The following INPP5A variants were observed in gnomAD, a reference collection of about 807,000 sequenced individuals.
INPP5A encodes inositol polyphosphate-5-phosphatase A, also known as 43 kDa inositol polyphosphate 5-phophatase.
Under a neutral mutation model 65.2 loss-of-function variants are expected in INPP5A, and 14 were observed. The observed-to-expected ratio is 0.21, with a 90% confidence interval of 0.14 to 0.34. The LOEUF is 0.34. Ranked by LOEUF, INPP5A falls within the 10% of genes least tolerant of loss-of-function variation. INPP5A has a pLI of 1.00. For missense variants in INPP5A, 431 were observed against 545.6 expected (o/e 0.79, Z 2.09); for synonymous variants, 207 against 208.3 (o/e 0.99, Z 0.05).
rs2072197372 is a variant in INPP5A at position 132,627,259 on chromosome 10, T to A, written c.118-18609T>A. On this transcript the variant is annotated intron_variant, in intron 2 of 15. Coordinates refer to ENST00000368594, the MANE Select transcript of INPP5A (RefSeq NM_005539.5). The surrounding 1 kb of genome is among the most constrained non-coding windows in gnomAD (Gnocchi z 6.6). Reference sequence around the variant, plus strand: ...GTCTGTGGCATTTTGTGATGGAGCCTCTGCCGACCGAGGGAGGGGCTGAGG... The same window carrying A: ...GTCTGTGGCATTTTGTGATGGAGCCACTGCCGACCGAGGGAGGGGCTGAGG... 6.6e-6 allele frequency among the ~76,000 whole-genome samples: 1 copy of A among 151,826 alleles called. No individual in the cohort carries two copies. The highest frequency in any genetic ancestry group is 2.1e-4 in the South Asian group (1 of 4,824).
Position 132,675,237 on chromosome 10 carries a change from C to T in INPP5A, c.307-15155C>T, listed in dbSNP as rs548312652. 2.6e-5 allele frequency among the ~76,000 whole-genome samples: 4 copies of T among 152,220 alleles called. No homozygotes were observed. Among genetic ancestry groups the T allele is most frequent in the Admixed American group, 2.6e-4 (4 of 15,292 alleles). On this transcript the variant is annotated intron_variant, in intron 4 of 15. Transcript: ENST00000368594. This position sits in a 1 kb window ranked among gnomAD's most constrained non-coding sequence, Gnocchi z 4.2. Reference sequence around the variant, plus strand: ...TTCCTGTTCCTGCAGAAATGGTAACCGCAGGGGACGGTGCAGCCGCATCTT... The same window carrying T: ...TTCCTGTTCCTGCAGAAATGGTAACTGCAGGGGACGGTGCAGCCGCATCTT...
intron 1 of INPP5A, among the ~76,000 whole-genome samples, chr10:132,604,844 C>T (rs2071825649): frequency 6.6e-6 from 1 of 152,172 alleles, no homozygotes; most frequent in South Asian, 2.1e-4. Flanking sequence ...GGGCTGTTGC[C>T]AGTCTGCAAA....
chr10:132,730,384 G>A lies in INPP5A; in HGVS notation c.732+3479G>A, dbSNP rs551065112. Among the ~76,000 whole-genome samples, 142 of 152,358 alleles carry A rather than the reference G, an allele frequency of 9.3e-4. 1 individual carries two copies. Among genetic ancestry groups the A allele is most frequent in the African/African-American group, 3.1e-3 (130 of 41,586 alleles). On this transcript the variant is annotated intron_variant, in intron 9 of 15. Coordinates refer to ENST00000368594, the MANE Select transcript of INPP5A (RefSeq NM_005539.5). ...AGTGCAGCCGGGTGGGCTGGTGGAC[G>A]TGCTGGCCGGGGCTGCGTGGGCAGC...
At position 132,550,564 on chromosome 10, in the gene INPP5A, G is replaced by A. The variant is rs2071036991; in HGVS notation, c.75+12393G>A. On this transcript the variant is annotated intron_variant, in intron 1 of 15. Transcript: ENST00000368594. The surrounding 1 kb of genome is among the most constrained non-coding windows in gnomAD (Gnocchi z 4.2). ...CTGTGTCCCTTGACGTGCTGAGAGG[G>A]CCTGGCTGTGAGCCGCATGGTACGA... 6.6e-6 allele frequency among the ~76,000 whole-genome samples: 1 copy of A among 152,218 alleles called. No homozygotes were observed. The highest frequency in any genetic ancestry group is 2.1e-4 in the South Asian group (1 of 4,836).
At chr10:132,769,556 A>G (rs1402536151) in intron 12 of INPP5A, among the ~76,000 whole-genome samples, 1 of 152,218 alleles carries the variant, frequency 6.6e-6, no homozygotes, top group Non-Finnish European at 1.5e-5. Context: ...ACGTGTGCTT[A>G]GAGTTACTGG....
chr10:132,638,316 T>G (rs2072383316), intron 2 of INPP5A, among the ~76,000 whole-genome samples: 1 of 152,300 alleles, frequency 6.6e-6, no homozygotes, highest in African/African-American at 2.4e-5. Context: ...CAACCCACGC[T>G]CGGATGTGCT....
intron 8 of INPP5A, among the ~76,000 whole-genome samples, chr10:132,711,045 A>C (rs1480644033): frequency 6.6e-6 from 1 of 152,204 alleles, no homozygotes; most frequent in African/African-American, 2.4e-5. Context: ...CTGCACCCTC[A>C]CAATGGACTT....
chr10:132,557,499 G>T (rs117076488), intron 1 of INPP5A, among the ~76,000 whole-genome samples: 5,460 of 152,346 alleles, frequency 0.036, 163 homozygotes, highest in Middle Eastern at 0.071. Flanking sequence ...GAAAATGGCC[G>T]CTCTCAGCTG....
chr10:132,608,076 G>C (rs2071883182), intron 2 of INPP5A, 120 bp downstream of exon 2: 1 of 892,584 alleles, frequency 1.1e-6, no homozygotes, highest in Non-Finnish European at 1.8e-6. Flanking sequence ...CTGGGCTGTG[G>C]CTGGGTCTCT....
intron 9 of INPP5A, among the ~76,000 whole-genome samples, chr10:132,739,998 C>T (rs570645815): frequency 6.5e-4 from 99 of 152,328 alleles, no homozygotes; most frequent in Admixed American, 2.0e-3. Flanking sequence ...CTCCCCAGGA[C>T]GAAGCAGGTT....
At position 132,538,177 on chromosome 10, in the gene INPP5A, T is replaced by C. The variant is rs1350324897; in HGVS notation, c.75+6T>C. ...TGGGCTCGCTCTTCGACGACGTAAG[T>C]CCCCCGTGCCGGCGGCAGGCCCCAA... On this transcript the variant is annotated splice_donor_region_variant and intron_variant, in intron 1 of 15. Transcript: ENST00000368594. The surrounding 1 kb of genome is among the most constrained non-coding windows in gnomAD (Gnocchi z 4.1). 3 of 1,273,538 alleles carry C rather than the reference T, an allele frequency of 2.4e-6. No homozygotes were observed. Among genetic ancestry groups the C allele is most frequent in the African/African-American group, 3.1e-5 (2 of 64,746 alleles). The allele number at this position is 1,273,538 out of a possible 1,614,324, so 78.9% of individuals were successfully genotyped here.
intron 4 of INPP5A, among the ~76,000 whole-genome samples, chr10:132,682,837 G>A (rs573345912): frequency 4.2e-4 from 64 of 152,180 alleles, no homozygotes; most frequent in African/African-American, 1.3e-3. Context: ...CATGTCTGCC[G>A]TGACCCAGTA....
chr10:132,741,645 A>G lies in INPP5A; in HGVS notation c.733-7872A>G, dbSNP rs1846272678. ...CACACCCAGAACAGGATACCCCGGA[A>G]TGAAGGTGGACGTTGGTATCCGCGT... On this transcript the variant is annotated intron_variant, in intron 9 of 15. Coordinates refer to ENST00000368594, the MANE Select transcript of INPP5A (RefSeq NM_005539.5). This position sits in a 1 kb window ranked among gnomAD's most constrained non-coding sequence, Gnocchi z 4.4. Among the ~76,000 whole-genome samples the G allele has an allele frequency of 6.6e-6, 1 of 152,208 alleles. No individual in the cohort carries two copies. Among genetic ancestry groups the G allele is most frequent in the Non-Finnish European group, 1.5e-5 (1 of 68,028 alleles).
rs1035283198 is a variant in INPP5A, at chr10:132,614,188, C to T, written c.117+6232C>T. 4.6e-5 allele frequency among the ~76,000 whole-genome samples: 7 copies of T among 152,152 alleles called. No individual in the cohort carries two copies. The East Asian group carries it at 9.7e-4, about 21-fold the overall frequency. On this transcript the variant is annotated intron_variant, in intron 2 of 15. Transcript: ENST00000368594. ...CTTGAGTCCCCAGGCAGAGCCTGGACGGCACGATGGCTCATGCCTGCAATC... is the reference window on the plus strand; with the variant it reads ...CTTGAGTCCCCAGGCAGAGCCTGGATGGCACGATGGCTCATGCCTGCAATC...
rs1245273978 is a variant in INPP5A, at chr10:132,566,888, C to T, written c.75+28717C>T. Among the ~76,000 whole-genome samples, 3 of 152,254 alleles carry T rather than the reference C, an allele frequency of 2.0e-5. No individual in the cohort carries two copies. The East Asian group carries it at 5.8e-4, about 29-fold the overall frequency. On this transcript the variant is annotated intron_variant, in intron 1 of 15. Coordinates refer to ENST00000368594, the MANE Select transcript of INPP5A (RefSeq NM_005539.5). ...AATATTGAATACTAGAATGGAGAGA[C>T]GTTACTTGCAAATATGATTGTGCAT...
In INPP5A at chr10:132,664,219, T is replaced by G. The variant is rs113390897; in HGVS notation, c.306+13714T>G. Among the ~76,000 whole-genome samples the G allele has an allele frequency of 7.2e-4, 110 of 152,348 alleles. 1 individual carries two copies. The highest frequency in any genetic ancestry group is 2.3e-3 in the African/African-American group (97 of 41,590). ...GCCTGGCTTTCTTTCCTGTGCAAAT[T>G]CTTGCGGGTCCCTCAGCTGTGCTCA... is the stretch of plus-strand genomic sequence containing the variant. On this transcript the variant is annotated intron_variant, in intron 4 of 15. Coordinates refer to ENST00000368594, the MANE Select transcript of INPP5A (RefSeq NM_005539.5).
At chr10:132,739,646 C>A (rs1373202815) in intron 9 of INPP5A, among the ~76,000 whole-genome samples, 1 of 152,218 alleles carries the variant, frequency 6.6e-6, no homozygotes, top group Non-Finnish European at 1.5e-5. Context: ...GCCCTGGGAG[C>A]CGGGTGAGTC....
rs2072468234 is a variant in INPP5A at position 132,644,565 on chromosome 10, T to C, written c.118-1303T>C. ...GCCCACAGCTCCACCTGGCTCACAG[T>C]GAGTGCCGTGTCGTCGTGAGCACCT... On this transcript the variant is annotated intron_variant, in intron 2 of 15. Transcript: ENST00000368594. The surrounding 1 kb of genome is among the most constrained non-coding windows in gnomAD (Gnocchi z 6.5). Among the ~76,000 whole-genome samples, 1 of 152,240 alleles carries C rather than the reference T, an allele frequency of 6.6e-6. No homozygotes were observed. Among genetic ancestry groups the C allele is most frequent in the Non-Finnish European group, 1.5e-5 (1 of 68,036 alleles).
chr10:132,557,195 C>T (rs1036735672), intron 1 of INPP5A, among the ~76,000 whole-genome samples: 7 of 152,228 alleles, frequency 4.6e-5, no homozygotes, highest in African/African-American at 9.6e-5. Flanking sequence ...TGTCTGTTGC[C>T]GCTGTGACCG....
Sources: gnomAD v4.1 joint callset for allele counts (sites outside exome capture counted in the v4.1 genomes callset) on GRCh38, gnomAD v4.1.1 for gene constraint, Gnocchi (gnomAD v3.1) non-coding constraint, MANE v1.5 for transcripts, NCBI Gene and HGNC (gene_info 2026-07-23, HGNC 2026-07-21) for gene names.